SPACA9: variants seen among roughly 807,000 people sequenced by gnomAD.
SPACA9 encodes the protein sperm acrosome-associated protein 9.
Under a neutral mutation model 12.5 loss-of-function variants are expected in SPACA9, and 14 were observed. The observed-to-expected ratio is 1.12, with a 90% CI of 0.74 to 1.75. The LOEUF is 1.75. Ranked by LOEUF, SPACA9 falls within the 40% of genes most tolerant of loss-of-function variation. The pLI is 0.00. For missense variants in SPACA9, 292 were observed against 291.9 expected (o/e 1.00, Z 0.00); for synonymous variants, 111 against 114.1 (o/e 0.97, Z 0.17).
rs767685966 is a variant in SPACA9, at chr9:132,884,044, A to G, written c.97A>G (p.Arg33Gly). 2 of 1,614,152 alleles carry G rather than the reference A, an allele frequency of 1.2e-6. No homozygotes were observed. Among genetic ancestry groups the G allele is most frequent in the Non-Finnish European group, 8.5e-7 (1 of 1,180,008 alleles). ...CTTCACCGCCGCTCTGGAGCACTGC[A>G]GGGAGAACGCCCACGACAAGATCCG... Reference protein sequence around the residue: ...LTFTAALEHCRENAHDKIRPI... With the variant: ...LTFTAALEHCGENAHDKIRPI... Residue 33 changes from arginine to glycine, a missense_variant, in exon 2 of 4, where the codon AGG becomes GGG. Transcript: ENST00000356311.
upstream of SPACA9, chr9:132,878,420 C>T (rs1436249004): frequency 2.4e-6 from 3 of 1,235,128 alleles, no homozygotes; most frequent in African/African-American, 1.6e-5. The surrounding 1 kb of genome is among the most constrained non-coding windows in gnomAD (Gnocchi z 4.7). Flanking sequence ...CCCCGGCTGA[C>T]GCGCTCTGCG....
At position 132,888,988 on chromosome 9, in the gene SPACA9, C is replaced by T; in HGVS notation, c.*377C>T. 2 of 747,918 alleles carry T rather than the reference C, an allele frequency of 2.7e-6. No individual in the cohort carries two copies. The highest frequency in any genetic ancestry group is 4.3e-5 in the South Asian group (1 of 23,118). 46.3% of individuals were successfully genotyped at this position (747,918 alleles called of 1,614,324 possible). A position where few individuals can be genotyped will look rare whatever the true frequency, so the allele number is the denominator to read the frequency against. On this transcript the variant is annotated 3_prime_UTR_variant, in exon 4 of 4. Coordinates refer to ENST00000356311, the MANE Select transcript of SPACA9 (RefSeq NM_001316897.2). This position sits in a 1 kb window ranked among gnomAD's most constrained non-coding sequence, Gnocchi z 5.0. The stretch of plus-strand genomic sequence containing the variant: ...TTCACCATGTTAGCCAGGATGGTCT[C>T]AATCTCCTGACCTCATGATCTACCC...
In SPACA9 at chr9:132,889,005, G is replaced by A. The variant is rs1052890970; in HGVS notation, c.*394G>A. On this transcript the variant is annotated 3_prime_UTR_variant, in exon 4 of 4. Coordinates refer to ENST00000356311, the MANE Select transcript of SPACA9 (RefSeq NM_001316897.2). ...GATGGTCTCAATCTCCTGACCTCAT[G>A]ATCTACCCTCGTGATCGGCCTCCCA... 6.5e-5 allele frequency: 53 copies of A among 817,154 alleles called. No individual in the cohort carries two copies. The highest frequency in any genetic ancestry group is 7.9e-5 in the Non-Finnish European group (53 of 667,594). 50.6% of individuals were successfully genotyped at this position (817,154 alleles called of 1,614,324 possible).
Position 132,883,833 on chromosome 9 carries a change from C to T in SPACA9, c.-37-78C>T, listed in dbSNP as rs1400732454. The stretch of plus-strand genomic sequence containing the variant: ...AGAGGGGCCATGGGTATCCCTCTCC[C>T]CTGACAGTCCTTCCCTCCGGAGCTG... On this transcript the variant is annotated intron_variant, in intron 1 of 3. Coordinates refer to ENST00000356311, the MANE Select transcript of SPACA9 (RefSeq NM_001316897.2). The T allele has an allele frequency of 8.0e-5, 94 of 1,170,564 alleles. 1 individual carries two copies. The East Asian group carries it at 2.2e-3, about 28-fold the overall frequency. 72.5% of individuals were successfully genotyped at this position (1,170,564 alleles called of 1,614,324 possible). A position where few individuals can be genotyped will look rare whatever the true frequency, so the allele number is the denominator to read the frequency against.
intron 2 of SPACA9, among the ~76,000 whole-genome samples, chr9:132,886,699 G>C (rs1323153338): frequency 6.6e-6 from 1 of 152,204 alleles, no homozygotes; most frequent in Admixed American, 6.5e-5. Context: ...TCAGTGTGTA[G>C]GGTTTAGATG....
Position 132,887,544 on chromosome 9 carries a change from G to A in SPACA9, c.320G>A (p.Ser107Asn). The A allele has an allele frequency of 6.2e-7, 1 of 1,614,076 alleles. No homozygotes were observed. Among genetic ancestry groups the A allele is most frequent in the Non-Finnish European group, 8.5e-7 (1 of 1,180,026 alleles). The part of the protein sequence containing the change: ...LEKCKTLVSQ[S>N]NDLSSLRAKY... ...AAATGCAAAACCCTCGTTAGCCAAA[G>A]CAACGACTTAAGCAGCCTCAGAGCA... is the stretch of plus-strand genomic sequence containing the variant. The change falls in exon 3 of 4, where the codon AGC becomes AAC. Residue 107 changes from serine to asparagine, a missense_variant. Ser to Asn is a conservative substitution (Grantham distance 46). Transcript: ENST00000356311. The surrounding 1 kb of genome is among the most constrained non-coding windows in gnomAD (Gnocchi z 5.4).
rs766222777 is a variant in SPACA9, at chr9:132,889,604, G to A, written c.*993G>A. The A allele has an allele frequency of 5.3e-5, 21 of 396,428 alleles. No individual in the cohort carries two copies. Among genetic ancestry groups the A allele is most frequent in the African/African-American group, 3.1e-4 (14 of 45,732 alleles). 24.6% of individuals were successfully genotyped at this position (396,428 alleles called of 1,614,324 possible). ...TATATATATATTTTTTAGTAGAGAC[G>A]GGGCTTCACCACGTTGGCCAGGCTG... On this transcript the variant is annotated 3_prime_UTR_variant, in exon 4 of 4. Coordinates refer to ENST00000356311, the MANE Select transcript of SPACA9 (RefSeq NM_001316897.2).
In SPACA9 at chr9:132,887,291, C is replaced by T; in HGVS notation, c.145-78C>T. The T allele has an allele frequency of 1.5e-6, 2 of 1,332,866 alleles. No homozygotes were observed. Among genetic ancestry groups the T allele is most frequent in the Admixed American group, 1.7e-5 (1 of 58,996 alleles). 82.6% of individuals were successfully genotyped at this position (1,332,866 alleles called of 1,614,324 possible). On this transcript the variant is annotated intron_variant, in intron 2 of 3. Transcript: ENST00000356311. The surrounding 1 kb of genome is among the most constrained non-coding windows in gnomAD (Gnocchi z 5.4). ...AGGGTGGGAGGGAGTAGGGTGGGTG[C>T]TTCTGGACATTTGCACCATAAGCCA...
chr9:132,886,133 G>C (rs1187767008), intron 2 of SPACA9, among the ~76,000 whole-genome samples: 1 of 152,264 alleles, frequency 6.6e-6, no homozygotes, highest in Non-Finnish European at 1.5e-5. Context: ...CCCTGATTTA[G>C]ATGTAGACCT....
At chr9:132,886,363 C>T (rs1844565148) in intron 2 of SPACA9, among the ~76,000 whole-genome samples, 1 of 152,220 alleles carries the variant, frequency 6.6e-6, no homozygotes, top group African/African-American at 2.4e-5. Context: ...ACCTTGTGAA[C>T]ACAGTACGGC....
chr9:132,883,573 T>TGTGTGTGTGCGCGC (rs1844481871), intron 1 of SPACA9, among the ~76,000 whole-genome samples: 1 of 151,970 alleles, frequency 6.6e-6, no homozygotes, highest in Middle Eastern at 3.2e-3. Flanking sequence ...TGTGTGTGCG[T>TGTGTGTGTGCGCGC]GTGTGTGTGC....
At position 132,888,771 on chromosome 9, in the gene SPACA9, A is replaced by G; in HGVS notation, c.*160A>G. 7.2e-7 allele frequency: 1 copy of G among 1,395,416 alleles called. No homozygotes were observed. The highest frequency in any genetic ancestry group is 9.3e-7 in the Non-Finnish European group (1 of 1,079,730). The allele number at this position is 1,395,416 out of a possible 1,614,324, so 86.4% of individuals were successfully genotyped here. Reference sequence around the variant, plus strand: ...ACTTCCTCTCTCTCTTCTTGCTTTAACTTCTTTTTTTTTTGAGACGGAGTC... The same window carrying G: ...ACTTCCTCTCTCTCTTCTTGCTTTAGCTTCTTTTTTTTTTGAGACGGAGTC... On this transcript the variant is annotated 3_prime_UTR_variant, in exon 4 of 4. Transcript: ENST00000356311. This position sits in a 1 kb window ranked among gnomAD's most constrained non-coding sequence, Gnocchi z 5.0.
At position 132,887,618 on chromosome 9, in the gene SPACA9, G is replaced by A. The variant is rs1377684621; in HGVS notation, c.347+47G>A. The A allele has an allele frequency of 2.0e-6, 3 of 1,520,912 alleles. No individual in the cohort carries two copies. The highest frequency in any genetic ancestry group is 2.7e-5 in the African/African-American group (2 of 73,082). The allele number at this position is 1,520,912 out of a possible 1,614,324, so 94.2% of individuals were successfully genotyped here. On this transcript the variant is annotated intron_variant, in intron 3 of 3. Transcript: ENST00000356311. The surrounding 1 kb of genome is among the most constrained non-coding windows in gnomAD (Gnocchi z 5.4). ...CTTGAGGCCCCGTGTGTGCCTGTGG[G>A]GAGGCCTCTGTCCTGCTTCTTTCCT...
At chr9:132,886,655 G>A (rs1488520741) in intron 2 of SPACA9, among the ~76,000 whole-genome samples, 1 of 152,166 alleles carries the variant, frequency 6.6e-6, no homozygotes, top group Non-Finnish European at 1.5e-5. Flanking sequence ...TCATGGTACT[G>A]ATCTGTAAAA....
Position 132,883,933 on chromosome 9 carries a change from CCA to C in SPACA9, c.-12_-11del. 1 of 1,613,594 alleles carries C rather than the reference CCA, an allele frequency of 6.2e-7. No homozygotes were observed. The highest frequency in any genetic ancestry group is 1.3e-5 in the African/African-American group (1 of 75,040). ...TAGATTCCTCTTCTCCTGTAAATGA[CCA>C]CAGAGGAAGACAATGAATGAGGTGA... On this transcript the variant is annotated 5_prime_UTR_variant, in exon 2 of 4. Transcript: ENST00000356311.
chr9:132,889,912 A>C lies in SPACA9; in HGVS notation c.*1301A>C, dbSNP rs1018613478. 6.9e-7 allele frequency: 1 copy of C among 1,455,212 alleles called. No homozygotes were observed. Among genetic ancestry groups the C allele is most frequent in the Non-Finnish European group, 9.1e-7 (1 of 1,094,360 alleles). The allele number at this position is 1,455,212 out of a possible 1,614,324, so 90.1% of individuals were successfully genotyped here. ...TTGTAAAATGTGTCCCTGGCTTCTG[A>C]GCTTGCCCAAAGTAATGTCTGACTG... On this transcript the variant is annotated 3_prime_UTR_variant, in exon 4 of 4. Transcript: ENST00000356311.
chr9:132,878,377 C>T (rs979197696), upstream of SPACA9: 3 of 1,246,750 alleles, frequency 2.4e-6, no homozygotes, highest in East Asian at 3.2e-5. This position sits in a 1 kb window ranked among gnomAD's most constrained non-coding sequence, Gnocchi z 4.7. Flanking sequence ...GATACCCGAT[C>T]CTCGGTCGCG....
At chr9:132,882,706 C>T (rs1844460955) in intron 1 of SPACA9, among the ~76,000 whole-genome samples, 1 of 152,098 alleles carries the variant, frequency 6.6e-6, no homozygotes, top group Non-Finnish European at 1.5e-5. Flanking sequence ...ATGTTCTGGC[C>T]CCTTCCATCT....
chr9:132,881,373 C>T (rs1020973415), intron 1 of SPACA9, among the ~76,000 whole-genome samples: 4 of 148,566 alleles, frequency 2.7e-5, no homozygotes, highest in African/African-American at 5.0e-5. Context: ...GAGGCTGAGG[C>T]GGGAGGATCA....
Sources: gnomAD v4.1 joint callset for allele counts (sites outside exome capture counted in the v4.1 genomes callset) on GRCh38, gnomAD v4.1.1 for gene constraint, Gnocchi (gnomAD v3.1) non-coding constraint, MANE v1.5 for transcripts, NCBI Gene and HGNC (gene_info 2026-07-23, HGNC 2026-07-21) for gene names.